The following DRC11 variants were observed in gnomAD, a reference collection of about 807,000 sequenced individuals.
The protein encoded by DRC11 is IQ and AAA domain-containing protein 1.
chr2:236,444,554 A>C, the DRC11 span, among the ~76,000 whole-genome samples: 1 of 152,170 alleles, frequency 6.6e-6, no homozygotes, highest in East Asian at 1.9e-4. Flanking sequence ...ACACTTTGAG[A>C]GCCATTCCCT....
chr2:236,345,469 G>A, the DRC11 span, among the ~76,000 whole-genome samples: 2 of 152,160 alleles, frequency 1.3e-5, no homozygotes, highest in African/African-American at 2.4e-5. Context: ...TGGGCCACGA[G>A]TTTTAATTAC....
chr2:236,501,482 C>T, the DRC11 span, among the ~76,000 whole-genome samples: 1 of 152,112 alleles, frequency 6.6e-6, no homozygotes, highest in Non-Finnish European at 1.5e-5. Context: ...TTCCTGGGAC[C>T]CTCTGACATT....
chr2:236,409,470 CTT>C, the DRC11 span, among the ~76,000 whole-genome samples: 12 of 152,098 alleles, frequency 7.9e-5, no homozygotes, highest in African/African-American at 2.7e-4. Context: ...TATCCTGAGA[CTT>C]TGCTGAAGTT....
chr2:236,488,113 G>A, the DRC11 span: 2 of 1,610,746 alleles, frequency 1.2e-6, no homozygotes, highest in Non-Finnish European at 1.7e-6. Flanking sequence ...AAAGCCCTTA[G>A]GCGACCTTGC....
chr2:236,328,890 A>C, the DRC11 span, among the ~76,000 whole-genome samples: 6 of 152,216 alleles, frequency 3.9e-5, no homozygotes, highest in Non-Finnish European at 7.3e-5. This position sits in a 1 kb window ranked among gnomAD's most constrained non-coding sequence, Gnocchi z 6.7. Flanking sequence ...TTTAAGCCAC[A>C]CATTTATGAT....
the DRC11 span, among the ~76,000 whole-genome samples, chr2:236,407,520 A>G: frequency 1.2e-4 from 19 of 152,298 alleles, no homozygotes; most frequent in African/African-American, 4.6e-4. Flanking sequence ...CAAAGGAACC[A>G]ATACCTTATA....
At chr2:236,484,654 A>C in the DRC11 span, among the ~76,000 whole-genome samples, 1 of 151,892 alleles carries the variant, frequency 6.6e-6, no homozygotes, top group South Asian at 2.1e-4. Context: ...CTGGGAAAAA[A>C]GGTGTGTTTG....
chr2:236,395,208 T>C, the DRC11 span, among the ~76,000 whole-genome samples: 3 of 151,968 alleles, frequency 2.0e-5, no homozygotes, highest in Non-Finnish European at 4.4e-5. Context: ...GTGTCTTCAT[T>C]CACACGGGGC....
At chr2:236,330,608 C>T in the DRC11 span, among the ~76,000 whole-genome samples, 1 of 152,182 alleles carries the variant, frequency 6.6e-6, no homozygotes, top group Non-Finnish European at 1.5e-5. The surrounding 1 kb of genome is among the most constrained non-coding windows in gnomAD (Gnocchi z 5.5). Context: ...CAGAGATAGG[C>T]TTGGATGGGA....
At chr2:236,503,973 T>C in the DRC11 span, among the ~76,000 whole-genome samples, 1 of 152,168 alleles carries the variant, frequency 6.6e-6, no homozygotes, top group Non-Finnish European at 1.5e-5. This position sits in a 1 kb window ranked among gnomAD's most constrained non-coding sequence, Gnocchi z 4.9. Context: ...TCACACAGCA[T>C]AGAATTCACT....
At chr2:236,488,039 T>C in the DRC11 span, 2 of 1,604,620 alleles carry the variant, frequency 1.2e-6, no homozygotes, top group African/African-American at 2.7e-5. Context: ...TATCTGTCAC[T>C]TTCTTGCCAA....
the DRC11 span, among the ~76,000 whole-genome samples, chr2:236,478,455 G>A: frequency 2.6e-5 from 4 of 152,112 alleles, no homozygotes; most frequent in African/African-American, 7.2e-5. This position sits in a 1 kb window ranked among gnomAD's most constrained non-coding sequence, Gnocchi z 5.9. Flanking sequence ...GGCCTAACAC[G>A]TACTATATTC....
At chr2:236,393,770 G>A in the DRC11 span, among the ~76,000 whole-genome samples, 9 of 152,112 alleles carry the variant, frequency 5.9e-5, no homozygotes, top group Non-Finnish European at 8.8e-5. The surrounding 1 kb of genome is among the most constrained non-coding windows in gnomAD (Gnocchi z 4.7). Context: ...GAATAGGCAG[G>A]ACAATTGTCC....
chr2:236,452,965 T>C, the DRC11 span, among the ~76,000 whole-genome samples: 1 of 152,214 alleles, frequency 6.6e-6, no homozygotes, highest in Non-Finnish European at 1.5e-5. The surrounding 1 kb of genome is among the most constrained non-coding windows in gnomAD (Gnocchi z 4.7). Context: ...CTTTCTTCAA[T>C]ATTTACTTGT....
At chr2:236,469,006 G>A in the DRC11 span, among the ~76,000 whole-genome samples, 13 of 152,090 alleles carry the variant, frequency 8.5e-5, no homozygotes, top group African/African-American at 2.9e-4. This position sits in a 1 kb window ranked among gnomAD's most constrained non-coding sequence, Gnocchi z 5.8. Flanking sequence ...GAATGAGCAG[G>A]TGACTTTGAT....
chr2:236,423,392 A>T, the DRC11 span, among the ~76,000 whole-genome samples: 2 of 152,216 alleles, frequency 1.3e-5, no homozygotes, highest in African/African-American at 2.4e-5. Flanking sequence ...TGGGCAAAGG[A>T]TATGAACAGA....
At chr2:236,385,017 T>A in the DRC11 span, among the ~76,000 whole-genome samples, 3 of 152,114 alleles carry the variant, frequency 2.0e-5, no homozygotes, top group Non-Finnish European at 2.9e-5. Flanking sequence ...TCCATTGATC[T>A]ATATCTCTGT....
At chr2:236,319,726 C>A in the DRC11 span, among the ~76,000 whole-genome samples, 1 of 152,184 alleles carries the variant, frequency 6.6e-6, no homozygotes, top group South Asian at 2.1e-4. The surrounding 1 kb of genome is among the most constrained non-coding windows in gnomAD (Gnocchi z 6.7). Context: ...CTTAAATACA[C>A]TATCTTGGGT....
At chr2:236,377,263 C>T in the DRC11 span, 96 of 836,334 alleles carry the variant, frequency 1.1e-4, 1 homozygote, top group South Asian at 3.8e-4. The surrounding 1 kb of genome is among the most constrained non-coding windows in gnomAD (Gnocchi z 4.9). Context: ...ATCACATACG[C>T]GGAGAACTTA....
Sources: allele counts gnomAD v4.1 joint callset (sites outside exome capture counted in the v4.1 genomes callset), GRCh38; gene constraint gnomAD v4.1.1; non-coding constraint Gnocchi (gnomAD v3.1); transcripts MANE v1.5; gene names NCBI Gene and HGNC (gene_info 2026-07-23, HGNC 2026-07-21).